The following SLIT2 variants were observed in gnomAD, a reference collection of about 807,000 sequenced individuals.
The protein encoded by SLIT2 is slit guidance ligand 2, also known as slit homolog 2 protein.
In SLIT2, 41 loss-of-function variants were observed where a neutral mutation model predicts 185.7. The observed-to-expected ratio is 0.22, with a 90% confidence interval of 0.17 to 0.29. The LOEUF is 0.29. Among genes scored for constraint, SLIT2 ranks in the 10% least tolerant of loss-of-function variants. The pLI, the probability that SLIT2 is intolerant of heterozygous loss-of-function variation, is 1.00. For synonymous variants in SLIT2, 693 were observed against 680.2 expected (o/e 1.02, Z -0.29); for missense variants, 1,571 against 1,909.0 (o/e 0.82, Z 3.30).
At chr4:20,545,065 T>C (rs1208782597) in intron 21 of SLIT2, among the ~76,000 whole-genome samples, 1 of 152,116 alleles carries the variant, frequency 6.6e-6, no homozygotes, top group Non-Finnish European at 1.5e-5. Context: ...TTTTGAAATA[T>C]TGGGAATAAA....
At chr4:20,530,462 T>C (rs1392916472) in intron 16 of SLIT2, among the ~76,000 whole-genome samples, 1 of 152,048 alleles carries the variant, frequency 6.6e-6, no homozygotes, top group Non-Finnish European at 1.5e-5. Context: ...TTTGTACTTT[T>C]TGTAGAGATG....
intron 4 of SLIT2, among the ~76,000 whole-genome samples, chr4:20,340,624 G>T (rs981481031): frequency 6.6e-6 from 1 of 151,890 alleles, no homozygotes; most frequent in South Asian, 2.1e-4. Context: ...TTTTTGAGAT[G>T]GAGTCTCGCT....
rs752356597 is a variant in SLIT2, at chr4:20,569,083, T to C, written c.3088+79T>C. On this transcript the variant is annotated intron_variant, in intron 29 of 36. Coordinates refer to ENST00000504154, the MANE Select transcript of SLIT2 (RefSeq NM_004787.4). ...TCATTGGAACTATGTTATATATGTTTAGTAAATCTTTTTTTATTTGATAAA... is the reference window on the plus strand; with the variant it reads ...TCATTGGAACTATGTTATATATGTTCAGTAAATCTTTTTTTATTTGATAAA... The C allele has an allele frequency of 6.6e-6, 8 of 1,212,690 alleles. No individual in the cohort carries two copies. The East Asian group carries it at 1.2e-4, about 18-fold the overall frequency. 75.1% of individuals were successfully genotyped at this position (1,212,690 alleles called of 1,614,324 possible). A position where few individuals can be genotyped will look rare whatever the true frequency, so the allele number is the denominator to read the frequency against.
chr4:20,492,185 A>G (rs1197042482), intron 9 of SLIT2, among the ~76,000 whole-genome samples: 1 of 152,212 alleles, frequency 6.6e-6, no homozygotes, highest in East Asian at 1.9e-4. Context: ...GGGCCTGTAC[A>G]TCTGTGGTTG....
intron 1 of SLIT2, chr4:20,255,110 G>GA (rs1433839873): frequency 8.8e-6 from 4 of 454,364 alleles, no homozygotes; most frequent in Non-Finnish European, 1.8e-5. Context: ...TGTGGGCCGG[G>GA]AGTAAGCGAA....
At chr4:20,439,877 C>A (rs370779744) in intron 4 of SLIT2, among the ~76,000 whole-genome samples, 1 of 152,172 alleles carries the variant, frequency 6.6e-6, no homozygotes, top group Non-Finnish European at 1.5e-5. Context: ...TTGAGGAACT[C>A]ACCACATAGC....
Position 20,566,851 on chromosome 4 carries a change from C to T in SLIT2, c.2726-411C>T, listed in dbSNP as rs78048789. Among the ~76,000 whole-genome samples the T allele has an allele frequency of 4.0e-3, 608 of 152,026 alleles. 5 individuals are homozygous for T. The highest frequency in any genetic ancestry group is 0.014 in the African/African-American group (576 of 41,486). ...AATTTCTACTTATTTCTAAAATTTG[C>T]TCACCCCACACCACACCCACACACG... On this transcript the variant is annotated intron_variant, in intron 26 of 36. Transcript: ENST00000504154.
Position 20,555,211 on chromosome 4 carries a change from A to G in SLIT2, c.2725+1243A>G, listed in dbSNP as rs548700948. Among the ~76,000 whole-genome samples, 8 of 152,288 alleles carry G rather than the reference A, an allele frequency of 5.3e-5. No homozygotes were observed. The South Asian group carries it at 1.7e-3, about 32-fold the overall frequency. Reference sequence around the variant, plus strand: ...CAATCCTAGGTGTTATGGAGCATAGAGAACTTCATGGTATGGCCTTGCCTT... The same window carrying G: ...CAATCCTAGGTGTTATGGAGCATAGGGAACTTCATGGTATGGCCTTGCCTT... On this transcript the variant is annotated intron_variant, in intron 26 of 36. Coordinates refer to ENST00000504154, the MANE Select transcript of SLIT2 (RefSeq NM_004787.4).
chr4:20,589,338 C>T (rs528325365), intron 29 of SLIT2, among the ~76,000 whole-genome samples: 32 of 152,234 alleles, frequency 2.1e-4, no homozygotes, highest in Non-Finnish European at 3.4e-4. Flanking sequence ...AAATAAACAA[C>T]GCCATTGAAA....
intron 4 of SLIT2, among the ~76,000 whole-genome samples, chr4:20,372,534 A>G (rs1450259984): frequency 6.6e-6 from 1 of 151,890 alleles, no homozygotes; most frequent in Non-Finnish European, 1.5e-5. Context: ...CTGTTTGTAA[A>G]TTGTCTTTAT....
intron 11 of SLIT2, among the ~76,000 whole-genome samples, chr4:20,511,587 A>ATTTTTTTTTTT (rs759622666): frequency 0.013 from 1,069 of 82,102 alleles, 131 homozygotes; most frequent in African/African-American, 0.046. Flanking sequence ...CATCCAGCTA[A>ATTTTTTTTTTT]TTTTTTTTTT....
At chr4:20,320,477 T>G (rs993445883) in intron 4 of SLIT2, among the ~76,000 whole-genome samples, 1 of 152,088 alleles carries the variant, frequency 6.6e-6, no homozygotes. Flanking sequence ...TGTACTGAAC[T>G]TGTCTTCTGT....
intron 9 of SLIT2, among the ~76,000 whole-genome samples, chr4:20,501,917 G>A (rs960893051): frequency 4.6e-5 from 7 of 152,122 alleles, no homozygotes; most frequent in Non-Finnish European, 1.0e-4. Flanking sequence ...TATGTGCAGA[G>A]AAACCATTTT....
intron 4 of SLIT2, among the ~76,000 whole-genome samples, chr4:20,300,070 T>C (rs1323057): frequency 0.61 from 92,081 of 151,798 alleles, 28,260 homozygotes; most frequent in East Asian, 0.86. Flanking sequence ...TTCTTTAGTA[T>C]AATATTTTAT....
chr4:20,412,812 T>C (rs2109434114), intron 4 of SLIT2, among the ~76,000 whole-genome samples: 1 of 152,216 alleles, frequency 6.6e-6, no homozygotes, highest in East Asian at 1.9e-4. Context: ...CTTCAGCCCA[T>C]TAGCAATCAT....
chr4:20,297,478 A>G (rs1397811061), intron 4 of SLIT2, among the ~76,000 whole-genome samples: 2 of 152,226 alleles, frequency 1.3e-5, no homozygotes, highest in Non-Finnish European at 2.9e-5. Context: ...TCGCCAGCAG[A>G]TGAAAAGTCA....
intron 11 of SLIT2, among the ~76,000 whole-genome samples, chr4:20,513,876 G>A (rs968856902): frequency 1.3e-5 from 2 of 152,134 alleles, no homozygotes; most frequent in Non-Finnish European, 2.9e-5. Flanking sequence ...TACTAAGGAC[G>A]TTTAGCAGGA....
intron 4 of SLIT2, among the ~76,000 whole-genome samples, chr4:20,450,817 T>C (rs760904010): frequency 1.1e-4 from 16 of 152,222 alleles, no homozygotes; most frequent in Non-Finnish European, 1.8e-4. Context: ...CCTTCGTATG[T>C]AACACAATGA....
intron 5 of SLIT2, among the ~76,000 whole-genome samples, chr4:20,478,945 T>A: frequency 6.6e-6 from 1 of 152,214 alleles, no homozygotes; most frequent in East Asian, 1.9e-4. Context: ...TATTACATCA[T>A]GAGACTTTAA....
Sources: allele counts gnomAD v4.1 joint callset (sites outside exome capture counted in the v4.1 genomes callset), GRCh38; gene constraint gnomAD v4.1.1; transcripts MANE v1.5; gene names NCBI Gene and HGNC (gene_info 2026-07-23, HGNC 2026-07-21).